PTK2: variants seen among roughly 807,000 people sequenced by gnomAD.
PTK2 encodes the protein focal adhesion kinase 1.
PTK2 carries 45 observed loss-of-function variants against 150.1 expected under a neutral mutation model. The ratio of observed to expected loss-of-function variants is 0.30; its 90% CI spans 0.24 to 0.38. The LOEUF (loss-of-function observed/expected upper bound fraction) is 0.38, where lower values mean the gene tolerates loss of function less well. Among genes scored for constraint, PTK2 ranks in the 10% least tolerant of loss-of-function variants. The pLI, the probability that PTK2 is intolerant of heterozygous loss-of-function variation, is 1.00. For missense variants in PTK2, 919 were observed against 1,307.3 expected (o/e 0.70, Z 4.58); for synonymous variants, 432 against 449.2 (o/e 0.96, Z 0.48).
intron 8 of PTK2, among the ~76,000 whole-genome samples, chr8:140,824,437 A>C (rs1404823001): frequency 6.6e-6 from 1 of 152,228 alleles, no homozygotes; most frequent in Non-Finnish European, 1.5e-5. Flanking sequence ...AAACGATATC[A>C]TTCAGAGTTA....
intron 1 of PTK2, among the ~76,000 whole-genome samples, chr8:140,957,728 A>C (rs1284004402): frequency 1.3e-5 from 2 of 152,108 alleles, no homozygotes; most frequent in Non-Finnish European, 2.9e-5. Context: ...ATACACACAC[A>C]CTTACCACTG....
At chr8:140,723,661 A>T (rs2100044229) in intron 22 of PTK2, among the ~76,000 whole-genome samples, 1 of 152,214 alleles carries the variant, frequency 6.6e-6, no homozygotes, top group South Asian at 2.1e-4. Flanking sequence ...CCTAATGTGA[A>T]CTGGCAACAA....
rs374794027 is a variant in PTK2, at chr8:140,944,296, C to G, written c.-121-18547G>C. ...TTTGCAGAAATACTGCATTTTAACACGACTGATACATTTTAAAAGGAAGTA... is the reference window on the plus strand; with the variant it reads ...TTTGCAGAAATACTGCATTTTAACAGGACTGATACATTTTAAAAGGAAGTA... On this transcript the variant is annotated intron_variant, in intron 1 of 31. Transcript: ENST00000522684. Among the ~76,000 whole-genome samples, 4 of 152,142 alleles carry G rather than the reference C, an allele frequency of 2.6e-5. 1 individual carries two copies. Among genetic ancestry groups the G allele is most frequent in the Admixed American group, 2.6e-4 (4 of 15,280 alleles).
chr8:140,716,996 G>A (rs958164918), intron 23 of PTK2, among the ~76,000 whole-genome samples: 4 of 152,178 alleles, frequency 2.6e-5, no homozygotes, highest in African/African-American at 9.7e-5. Context: ...TGACCTCTCC[G>A]AGGCAGGAGA....
At chr8:140,908,447 A>ATGT (rs1187715173) in intron 2 of PTK2, among the ~76,000 whole-genome samples, 3 of 152,254 alleles carry the variant, frequency 2.0e-5, no homozygotes, top group Non-Finnish European at 4.4e-5. Context: ...TGGCTACACT[A>ATGT]AATGACACAA....
chr8:140,873,042 A>G (rs2100143434), intron 4 of PTK2, among the ~76,000 whole-genome samples: 1 of 152,198 alleles, frequency 6.6e-6, no homozygotes, highest in African/African-American at 2.4e-5. Context: ...ATAATCCCCA[A>G]GTGACTTGTC....
Position 140,761,397 on chromosome 8 carries a change from C to T in PTK2, c.1235-135G>A, listed in dbSNP as rs138669973. 1.6e-5 allele frequency: 12 copies of T among 758,232 alleles called. 1 individual carries two copies. The highest frequency in any genetic ancestry group is 6.4e-4 in the Middle Eastern group (2 of 3,140). 47.0% of individuals were successfully genotyped at this position (758,232 alleles called of 1,614,324 possible). On this transcript the variant is annotated intron_variant, in intron 15 of 31. Coordinates refer to ENST00000522684, the Ensembl canonical transcript of PTK2. ...TCAATCTATGAAAATGCTTTAAACA[C>T]AGTGGAATTCTCTTAAACAATATTT...
chr8:140,860,620 G>C (rs2100135498), intron 5 of PTK2, among the ~76,000 whole-genome samples: 1 of 152,144 alleles, frequency 6.6e-6, no homozygotes, highest in African/African-American at 2.4e-5. Context: ...ATACAGGTGT[G>C]TACCACCATG....
rs534427929 is a variant in PTK2 at position 140,993,281 on chromosome 8, G to C, written c.-122+7844C>G. On this transcript the variant is annotated intron_variant, in intron 1 of 31. Transcript: ENST00000522684. Reference sequence around the variant, plus strand: ...GCTGGCCTCTGCCTCCCAAAGTGCTGGAATTACAGGCATGCGCCACCGTGC... The same window carrying C: ...GCTGGCCTCTGCCTCCCAAAGTGCTCGAATTACAGGCATGCGCCACCGTGC... Among the ~76,000 whole-genome samples the C allele has an allele frequency of 2.6e-5, 4 of 152,206 alleles. No individual in the cohort carries two copies. In the East Asian group the frequency reaches 7.7e-4, roughly 29 times the overall value.
chr8:140,942,481 A>T (rs1370908088), intron 1 of PTK2, among the ~76,000 whole-genome samples: 1 of 152,234 alleles, frequency 6.6e-6, no homozygotes, highest in Non-Finnish European at 1.5e-5. Flanking sequence ...AAATCAGATT[A>T]CATAAATGAA....
intron 1 of PTK2, among the ~76,000 whole-genome samples, chr8:140,996,072 C>A (rs947569689): frequency 5.3e-5 from 8 of 151,576 alleles, no homozygotes; most frequent in African/African-American, 1.2e-4. Context: ...GACTGTGTCT[C>A]TTAAAACAAA....
intron 1 of PTK2, among the ~76,000 whole-genome samples, chr8:140,964,451 C>G (rs1259781513): frequency 6.6e-6 from 1 of 151,800 alleles, no homozygotes; most frequent in African/African-American, 2.4e-5. Flanking sequence ...CGATCAAGCT[C>G]ACTGCAGTCT....
chr8:140,890,847 A>G (rs1380395654), intron 2 of PTK2, 78 bp from the exon 3 acceptor site: 1 of 1,227,578 alleles, frequency 8.1e-7, no homozygotes, highest in African/African-American at 1.5e-5. Flanking sequence ...TGTTTATATC[A>G]AATGTCCTAT....
At chr8:140,767,376 G>T (rs1433198808) in intron 14 of PTK2, among the ~76,000 whole-genome samples, 1 of 151,982 alleles carries the variant, frequency 6.6e-6, no homozygotes, top group Non-Finnish European at 1.5e-5. Context: ...AATGTGAATA[G>T]AGAATTCATG....
At position 140,858,775 on chromosome 8, in the gene PTK2, C is replaced by A. The variant is rs571783046; in HGVS notation, c.450+5537G>T. 2.0e-5 allele frequency among the ~76,000 whole-genome samples: 3 copies of A among 152,260 alleles called. No individual in the cohort carries two copies. The East Asian group carries it at 5.8e-4, about 29-fold the overall frequency. On this transcript the variant is annotated intron_variant, in intron 5 of 31. Coordinates refer to ENST00000522684, the Ensembl canonical transcript of PTK2. ...TTATTGAGCCTGTGCCAAACAATTACAGAAGACACATTCCACTCAAGCAAA... is the reference window on the plus strand; with the variant it reads ...TTATTGAGCCTGTGCCAAACAATTAAAGAAGACACATTCCACTCAAGCAAA...
intron 14 of PTK2, among the ~76,000 whole-genome samples, chr8:140,775,927 G>A (rs1207599261): frequency 6.6e-6 from 1 of 152,148 alleles, no homozygotes; most frequent in Non-Finnish European, 1.5e-5. Flanking sequence ...CTTCGCCCCT[G>A]CACCTAAACC....
chr8:140,660,857 A>G (rs1388574291), intron 31 of PTK2, among the ~76,000 whole-genome samples: 1 of 152,210 alleles, frequency 6.6e-6, no homozygotes, highest in Non-Finnish European at 1.5e-5. Flanking sequence ...CTGTTTCTTC[A>G]ACCAGTGGTG....
intron 2 of PTK2, among the ~76,000 whole-genome samples, chr8:140,924,215 A>G (rs1414974129): frequency 2.6e-5 from 4 of 151,972 alleles, no homozygotes; most frequent in Non-Finnish European, 5.9e-5. Context: ...CGTTATCCAC[A>G]TGGCTTGCTC....
chr8:140,720,443 G>A (rs2100042264), intron 22 of PTK2, among the ~76,000 whole-genome samples: 1 of 151,884 alleles, frequency 6.6e-6, no homozygotes, highest in Admixed American at 6.6e-5. Flanking sequence ...TGGGAAAACA[G>A]CAAGGCTCAA....
Sources: allele counts gnomAD v4.1 joint callset (sites outside exome capture counted in the v4.1 genomes callset), GRCh38; gene constraint gnomAD v4.1.1; transcripts MANE v1.5; gene names NCBI Gene and HGNC (gene_info 2026-07-23, HGNC 2026-07-21).